Variants in PLCE1 observed in about 807,000 individuals in gnomAD.
The protein encoded by PLCE1 is phospholipase C epsilon 1.
A neutral mutation model predicts 242.8 loss-of-function variants in PLCE1; 119 were observed. The ratio of observed to expected loss-of-function variants is 0.49; its 90% CI spans 0.42 to 0.57. The LOEUF (loss-of-function observed/expected upper bound fraction) is 0.57. Among genes scored for constraint, PLCE1 ranks in the 20% least tolerant of loss-of-function variants. The pLI, the probability that PLCE1 is intolerant of heterozygous loss-of-function variation, is 0.00. For synonymous variants in PLCE1, 945 were observed against 1,017.4 expected (o/e 0.93, Z 1.35); for missense variants, 2,441 against 2,788.8 (o/e 0.88, Z 2.81).
intron 2 of PLCE1, among the ~76,000 whole-genome samples, chr10:94,129,882 C>G (rs2046545027): frequency 6.6e-6 from 1 of 152,170 alleles, no homozygotes; most frequent in African/African-American, 2.4e-5. Flanking sequence ...CTTTCTTATT[C>G]CCCAGTTGTT....
intron 4 of PLCE1, among the ~76,000 whole-genome samples, chr10:94,201,655 T>A (rs1434987035): frequency 1.3e-5 from 2 of 152,070 alleles, no homozygotes; most frequent in African/African-American, 2.4e-5. Context: ...TTTTTTGGTA[T>A]TTTTTAGTAG....
chr10:94,057,352 G>A (rs557290352), intron 2 of PLCE1, among the ~76,000 whole-genome samples: 1 of 151,718 alleles, frequency 6.6e-6, no homozygotes, highest in Non-Finnish European at 1.5e-5. Flanking sequence ...TCCTTAAAAC[G>A]CTCATAACAG....
At chr10:94,322,784 T>TAA (rs573064111) in intron 30 of PLCE1, among the ~76,000 whole-genome samples, 1 of 139,972 alleles carries the variant, frequency 7.1e-6, no homozygotes, top group African/African-American at 2.6e-5. Flanking sequence ...AAACTTCGTC[T>TAA]AAAAAAAAAA....
At position 94,329,036 on chromosome 10, in the gene PLCE1, CTT is replaced by C. The variant is rs1298108279; in HGVS notation, c.*1094_*1095del. The C allele has an allele frequency of 6.6e-6, 1 of 152,138 alleles. No individual in the cohort carries two copies. The highest frequency in any genetic ancestry group is 2.4e-5 in the African/African-American group (1 of 41,418). The allele number at this position is 152,138 out of a possible 1,614,324, so 9.4% of individuals were successfully genotyped here. A position where few individuals can be genotyped will look rare whatever the true frequency, so the allele number is the denominator to read the frequency against. On this transcript the variant is annotated 3_prime_UTR_variant, in exon 33 of 33. Transcript: ENST00000371380. ...TTATATATTTATTATACATCGCTCT[CTT>C]GATATTGCCATGGATTAGAAGCATT... is the stretch of plus-strand genomic sequence containing the variant.
At chr10:94,240,626 T>C (rs1220999219) in intron 7 of PLCE1, among the ~76,000 whole-genome samples, 1 of 152,100 alleles carries the variant, frequency 6.6e-6, no homozygotes, top group Non-Finnish European at 1.5e-5. Flanking sequence ...TTATGTTAAA[T>C]TGGCAGGAAG....
rs373586486 is a variant in PLCE1 at position 94,240,025 on chromosome 10, C to CTCTT, written c.2420+3909_2420+3912dup. On this transcript the variant is annotated intron_variant, in intron 7 of 32. Coordinates refer to ENST00000371380, the MANE Select transcript of PLCE1 (RefSeq NM_016341.4). Reference sequence around the variant, plus strand: ...GGGATACCTGGGATCCTGTATTTCTCTCTTTCTGCTTCTTTGGCCAACACC... The same window carrying CTCTT: ...GGGATACCTGGGATCCTGTATTTCTCTCTTTCTTTCTGCTTCTTTGGCCAACACC... 3.9e-3 allele frequency among the ~76,000 whole-genome samples: 598 copies of CTCTT among 152,274 alleles called. 6 individuals are homozygous for CTCTT. Among genetic ancestry groups the CTCTT allele is most frequent in the African/African-American group, 0.014 (572 of 41,562 alleles).
At chr10:94,110,084 A>G (rs1377166218) in intron 2 of PLCE1, among the ~76,000 whole-genome samples, 2 of 4,462 alleles carry the variant, frequency 4.5e-4, no homozygotes, top group East Asian at 4.5e-3. Context: ...TTTTTTTGAG[A>G]TGGAGTCTCG....
At chr10:94,166,655 G>A (rs2047815596) in intron 3 of PLCE1, among the ~76,000 whole-genome samples, 1 of 151,776 alleles carries the variant, frequency 6.6e-6, no homozygotes, top group Admixed American at 6.6e-5. Context: ...AAAATGCTGA[G>A]TGTAACAGAG....
chr10:94,032,635 T>A (rs576043682), intron 2 of PLCE1, among the ~76,000 whole-genome samples: 1 of 151,772 alleles, frequency 6.6e-6, no homozygotes, highest in African/African-American at 2.4e-5. Flanking sequence ...CTTAATTCTG[T>A]TTTTTTTCAT....
chr10:94,161,020 T>C (rs931265866), intron 3 of PLCE1, among the ~76,000 whole-genome samples: 1 of 152,178 alleles, frequency 6.6e-6, no homozygotes, highest in African/African-American at 2.4e-5. Flanking sequence ...CCTTGTAGTA[T>C]AGTTTGAAGT....
intron 4 of PLCE1, among the ~76,000 whole-genome samples, chr10:94,187,359 A>G (rs942329827): frequency 6.6e-5 from 10 of 152,110 alleles, no homozygotes; most frequent in Non-Finnish European, 1.3e-4. Flanking sequence ...CATTCCGTGT[A>G]AAAACAGTGC....
intron 23 of PLCE1, among the ~76,000 whole-genome samples, chr10:94,296,227 A>G (rs35446195): frequency 0.17 from 25,598 of 151,680 alleles, 2,252 homozygotes; most frequent in Middle Eastern, 0.3. Context: ...TTAGTTGGGC[A>G]TGGTGGCGGG....
At chr10:93,996,327 G>A (rs2060820351) in intron 1 of PLCE1, among the ~76,000 whole-genome samples, 1 of 152,230 alleles carries the variant, frequency 6.6e-6, no homozygotes, top group South Asian at 2.1e-4. Context: ...GAATTTGTTT[G>A]CTGAAGTTGC....
intron 19 of PLCE1, among the ~76,000 whole-genome samples, chr10:94,277,856 T>G (rs191091749): frequency 6.6e-6 from 1 of 152,318 alleles, no homozygotes; most frequent in Non-Finnish European, 1.5e-5. Context: ...GTGATGCCCT[T>G]TAGCGTATTA....
At chr10:94,325,630 T>C (rs933077734) in intron 32 of PLCE1, 10 of 151,862 alleles carry the variant, frequency 6.6e-5, no homozygotes, top group African/African-American at 2.4e-4. Context: ...AATATATATA[T>C]GTAACTTGAG....
At chr10:94,104,674 C>T (rs1283558634) in intron 2 of PLCE1, 4 of 152,110 alleles carry the variant, frequency 2.6e-5, no homozygotes, top group African/African-American at 4.8e-5. Flanking sequence ...TCAGATATTA[C>T]GATTTATATT....
intron 2 of PLCE1, among the ~76,000 whole-genome samples, chr10:94,117,756 G>C (rs2046177765): frequency 6.6e-6 from 1 of 152,196 alleles, no homozygotes; most frequent in African/African-American, 2.4e-5. Context: ...AGTCACACCT[G>C]CATTGTGTCC....
At chr10:94,293,382 G>A (rs977415845) in intron 22 of PLCE1, 126 bp from the exon 23 acceptor site, 1 of 1,049,458 alleles carries the variant, frequency 9.5e-7, no homozygotes, top group South Asian at 1.3e-5. Flanking sequence ...AAAACTGCCA[G>A]TAGGGTTTCT....
At position 94,308,675 on chromosome 10, in the gene PLCE1, T is replaced by C. The variant is rs200943442; in HGVS notation, c.5979T>C (p.Ser1993=). ...INSRRMEENS[S]GNTMSASSMF... ...GCAGAAGGATGGAAGAAAATTCCTC[T>C]GGCAATACCATGTCAGCCTCTTCGG... Residue 1993 remains serine, a synonymous_variant, in exon 27 of 33, where the codon TCT becomes TCC. Transcript: ENST00000371380. 7.4e-5 allele frequency: 118 copies of C among 1,602,740 alleles called. No homozygotes were observed. The East Asian group carries it at 1.7e-3, about 24-fold the overall frequency.
Sources: gnomAD v4.1 joint callset for allele counts (sites outside exome capture counted in the v4.1 genomes callset) on GRCh38, gnomAD v4.1.1 for gene constraint, MANE v1.5 for transcripts, NCBI Gene and HGNC (gene_info 2026-07-23, HGNC 2026-07-21) for gene names.